NRXN1: variants seen among roughly 807,000 people sequenced by gnomAD.
The protein encoded by NRXN1 is neurexin 1, also known as neurexin-1.
NRXN1 carries 39 observed loss-of-function variants against 150.9 expected under a neutral mutation model. The ratio of observed to expected loss-of-function variants is 0.26; its 90% CI spans 0.20 to 0.34. The LOEUF (loss-of-function observed/expected upper bound fraction) is 0.34, where lower values mean the gene tolerates loss of function less well. Among genes scored for constraint, NRXN1 ranks in the 10% least tolerant of loss-of-function variants. NRXN1 has a pLI of 1.00. For synonymous variants in NRXN1, 924 were observed against 757.0 expected, an observed-to-expected ratio of 1.22 and a Z score of -3.62; for missense variants, 1,815 against 1,949.9, an observed-to-expected ratio of 0.93 and a Z score of 1.30.
At chr2:50,598,133 G>C (rs576875422) in intron 8 of NRXN1, among the ~76,000 whole-genome samples, 6 of 150,844 alleles carry the variant, frequency 4.0e-5, no homozygotes, top group African/African-American at 1.5e-4. Flanking sequence ...GCAAAACTGC[G>C]TCTCAAAGAA....
intron 5 of NRXN1, among the ~76,000 whole-genome samples, chr2:50,792,857 A>T (rs1706250977): frequency 6.6e-6 from 1 of 152,070 alleles, no homozygotes; most frequent in Non-Finnish European, 1.5e-5. Flanking sequence ...ATAAATTAAA[A>T]CATAGAAAAG....
rs180998833 is a variant in NRXN1 at position 50,915,809 on chromosome 2, C to T, written c.832+6060G>A. On this transcript the variant is annotated intron_variant, in intron 5 of 22. Transcript: ENST00000401669. ...TGTCACCATTAATAAAAAGCCTCCT[C>T]TATGCACTTTTGCAATTTGTCATGT... Among the ~76,000 whole-genome samples, 289 of 151,082 alleles carry T rather than the reference C, an allele frequency of 1.9e-3. 2 individuals carry two copies. The highest frequency in any genetic ancestry group is 2.8e-3 in the Non-Finnish European group (190 of 67,484).
intron 17 of NRXN1, among the ~76,000 whole-genome samples, chr2:50,272,105 G>A (rs146378879): frequency 1.5e-3 from 221 of 152,266 alleles, no homozygotes; most frequent in Admixed American, 2.3e-3. Context: ...CTGACCTTGG[G>A]GAGCAGGTCT....
intron 17 of NRXN1, among the ~76,000 whole-genome samples, chr2:50,464,761 G>C (rs2088633550): frequency 6.6e-6 from 1 of 151,812 alleles, no homozygotes; most frequent in African/African-American, 2.4e-5. Context: ...GGACCTATTA[G>C]AACATTAAGA....
At chr2:50,115,146 A>ATTT (rs537172320) in intron 18 of NRXN1, among the ~76,000 whole-genome samples, 4 of 144,406 alleles carry the variant, frequency 2.8e-5, no homozygotes, top group African/African-American at 1.0e-4. Context: ...ATTTCGCTCA[A>ATTT]TTTTTTTTTT....
chr2:50,077,930 A>C (rs1489040318), intron 19 of NRXN1, among the ~76,000 whole-genome samples: 1 of 152,102 alleles, frequency 6.6e-6, no homozygotes. Flanking sequence ...GCTGCTTTTT[A>C]ACACAGTTAA....
intron 21 of NRXN1, among the ~76,000 whole-genome samples, chr2:49,988,462 T>C (rs544178653): frequency 5.0e-4 from 76 of 152,152 alleles, no homozygotes; most frequent in Non-Finnish European, 8.7e-4. Context: ...ACAGCAGATA[T>C]ACTAGTTGTC....
intron 18 of NRXN1, among the ~76,000 whole-genome samples, chr2:50,183,291 C>G (rs969117403): frequency 7.9e-5 from 12 of 151,974 alleles, no homozygotes; most frequent in Admixed American, 2.0e-4. Flanking sequence ...AAGTTAATTT[C>G]AAAGGTTTAT....
chr2:49,933,164 G>C (rs1670429519), intron 22 of NRXN1, among the ~76,000 whole-genome samples: 1 of 152,072 alleles, frequency 6.6e-6, no homozygotes, highest in Non-Finnish European at 1.5e-5. Flanking sequence ...TCAGCTCACT[G>C]CAAGCTCTGC....
intron 5 of NRXN1, among the ~76,000 whole-genome samples, chr2:50,766,576 C>T (rs1367967933): frequency 6.6e-6 from 1 of 152,032 alleles, no homozygotes; most frequent in Non-Finnish European, 1.5e-5. Flanking sequence ...TTCCACAATA[C>T]TTCCAGTGTT....
At chr2:50,254,870 T>C (rs1421940333) in intron 17 of NRXN1, among the ~76,000 whole-genome samples, 1 of 152,034 alleles carries the variant, frequency 6.6e-6, no homozygotes, top group Non-Finnish European at 1.5e-5. Flanking sequence ...GCAGTGGTGT[T>C]ATCGTGGTTC....
chr2:50,886,548 C>G (rs939425289), intron 5 of NRXN1, among the ~76,000 whole-genome samples: 1 of 151,206 alleles, frequency 6.6e-6, no homozygotes, highest in African/African-American at 2.4e-5. Context: ...AGATTACAAA[C>G]AAAAAATAAT....
chr2:50,323,248 G>A (rs2076167345), intron 17 of NRXN1, among the ~76,000 whole-genome samples: 2 of 152,100 alleles, frequency 1.3e-5, no homozygotes, highest in Admixed American at 1.3e-4. Context: ...ACTACAAATT[G>A]CAGAGCCTCA....
intron 5 of NRXN1, among the ~76,000 whole-genome samples, chr2:50,789,830 GCA>G (rs1408093928): frequency 6.6e-6 from 1 of 152,126 alleles, no homozygotes; most frequent in Non-Finnish European, 1.5e-5. Flanking sequence ...GATGTTTAAT[GCA>G]CAGAGTGAGA....
chr2:50,631,407 T>G (rs527886966), intron 5 of NRXN1: 1 of 216,488 alleles, frequency 4.6e-6, no homozygotes, highest in African/African-American at 2.4e-5. Flanking sequence ...AGACATTATT[T>G]AGTCCAGTGC....
intron 8 of NRXN1, chr2:50,615,768 ATC>A (rs1678960153): frequency 2.6e-5 from 4 of 152,204 alleles, no homozygotes; most frequent in African/African-American, 9.6e-5. Flanking sequence ...GAGTCTGAGC[ATC>A]TCAGACACCA....
chr2:50,990,101 T>C (rs1698321064), intron 2 of NRXN1, among the ~76,000 whole-genome samples: 1 of 152,052 alleles, frequency 6.6e-6, no homozygotes, highest in Non-Finnish European at 1.5e-5. Flanking sequence ...GCCTTCCATA[T>C]ATCTTCTGTA....
In NRXN1 at chr2:50,376,036, C is replaced by CATAT. The variant is rs200888302; in HGVS notation, c.3364+89402_3364+89405dup. On this transcript the variant is annotated intron_variant, in intron 17 of 22. Coordinates refer to ENST00000401669, the MANE Select transcript of NRXN1 (RefSeq NM_001330078.2). ...CATTTAGAACTCCTGCACATAAATA[C>CATAT]ATATATATATACACACACACACACA... Among the ~76,000 whole-genome samples, 334 of 144,330 alleles carry CATAT rather than the reference C, an allele frequency of 2.3e-3. 3 individuals carry two copies. The highest frequency in any genetic ancestry group is 6.9e-3 in the Middle Eastern group (2 of 290). 94.7% of individuals were successfully genotyped at this position (144,330 alleles called of 152,430 possible).
At chr2:50,853,044 C>T (rs890559697) in intron 5 of NRXN1, among the ~76,000 whole-genome samples, 1 of 152,158 alleles carries the variant, frequency 6.6e-6, no homozygotes, top group South Asian at 2.1e-4. Context: ...TTAATTCACT[C>T]TCAGTGTCCA....
Sources: allele counts gnomAD v4.1 joint callset (sites outside exome capture counted in the v4.1 genomes callset), GRCh38; gene constraint gnomAD v4.1.1; transcripts MANE v1.5; gene names NCBI Gene and HGNC (gene_info 2026-07-23, HGNC 2026-07-21).